The following DMD variants were observed in gnomAD, a reference collection of about 807,000 sequenced individuals.
The protein encoded by DMD is mutant dystrophin.
Under a neutral mutation model 330.1 loss-of-function variants are expected in DMD, and 63 were observed. The observed-to-expected ratio is 0.19, with a 90% CI of 0.16 to 0.24. The LOEUF (loss-of-function observed/expected upper bound fraction) is 0.24, where lower values mean the gene tolerates loss of function less well. Ranked by LOEUF, DMD falls within the 10% of genes least tolerant of loss-of-function variation. The probability of loss-of-function intolerance (pLI) is 1.00; values close to 1 mark genes in which losing one functional copy is unlikely to be tolerated. For missense variants in DMD, 3,344 were observed against 2,684.1 expected, an observed-to-expected ratio of 1.25 and a Z score of -5.43; for synonymous variants, 1,223 against 959.8, an observed-to-expected ratio of 1.27 and a Z score of -5.07.
At chrX:32,863,703 G>A (rs867856455) in intron 2 of DMD, among the ~76,000 whole-genome samples, 20 of 110,244 alleles carry the variant, frequency 1.8e-4, no homozygotes, top group South Asian at 3.8e-4. Context: ...GAAACATTAT[G>A]GACAAAGGGC....
intron 1 of DMD, among the ~76,000 whole-genome samples, chrX:33,146,124 A>G (rs1050662641): frequency 2.7e-5 from 3 of 110,206 alleles, no homozygotes; most frequent in Non-Finnish European, 5.7e-5. Flanking sequence ...TTGATCTCCT[A>G]ACCTCGTGAT....
chrX:33,269,426 T>C (rs778802857), intron 1 of DMD, among the ~76,000 whole-genome samples: 1 of 110,717 alleles, frequency 9.0e-6, no homozygotes, highest in Admixed American at 9.6e-5. Context: ...ACAGACACTG[T>C]GGACTACTAG....
intron 13 of DMD, among the ~76,000 whole-genome samples, chrX:32,574,919 CAG>C (rs1294494944): frequency 9.9e-6 from 1 of 101,300 alleles, no homozygotes; most frequent in Non-Finnish European, 2.0e-5. Context: ...TTTTTGTAGA[CAG>C]AGTTTTGCTC....
chrX:31,321,777 G>A (rs752735629), intron 62 of DMD, among the ~76,000 whole-genome samples: 1 of 110,161 alleles, frequency 9.1e-6, no homozygotes, highest in Admixed American at 9.7e-5. Flanking sequence ...ACATGAAGGA[G>A]CATTGGACAA....
intron 2 of DMD, among the ~76,000 whole-genome samples, chrX:33,003,946 A>AAGAAT (rs2093342930): frequency 8.9e-6 from 1 of 112,344 alleles, no homozygotes; most frequent in Non-Finnish European, 1.9e-5. Context: ...CTTTATTCTT[A>AAGAAT]AAAGAGAGAA....
intron 9 of DMD, among the ~76,000 whole-genome samples, chrX:32,672,450 C>T (rs2061690833): frequency 9.0e-6 from 1 of 111,217 alleles, no homozygotes; most frequent in South Asian, 3.7e-4. Context: ...AAACACTGAA[C>T]TCTTTCAAAT....
At chrX:33,304,311 G>A (rs1803299923) in intron 1 of DMD, among the ~76,000 whole-genome samples, 1 of 110,879 alleles carries the variant, frequency 9.0e-6, no homozygotes, top group African/African-American at 3.3e-5. Flanking sequence ...AACAAGCAAT[G>A]GGGAAAGGAT....
chrX:32,936,148 G>GA (rs1282728112), intron 2 of DMD, among the ~76,000 whole-genome samples: 1 of 104,986 alleles, frequency 9.5e-6, no homozygotes, highest in Non-Finnish European at 1.9e-5. Context: ...TTTTGCTCTT[G>GA]TTGCCCAGGC....
chrX:31,331,177 A>C (rs1194101052), intron 61 of DMD, among the ~76,000 whole-genome samples: 1 of 111,772 alleles, frequency 8.9e-6, no homozygotes. Flanking sequence ...TAAATATTAT[A>C]TGAGCTGTCA....
chrX:31,152,144 A>C (rs1395658003), intron 74 of DMD, among the ~76,000 whole-genome samples: 1 of 106,395 alleles, frequency 9.4e-6, no homozygotes, highest in East Asian at 2.9e-4. Context: ...GTTTCTTGTT[A>C]TTTTAGCGAG....
At position 31,730,100 on chromosome X, in the gene DMD, TATA is replaced by T. The variant is rs745694105; in HGVS notation, c.7543-355_7543-353del. On this transcript the variant is annotated intron_variant, in intron 51 of 78. Transcript: ENST00000357033. ...TAAAAGATAGATAACTATTTATACTTATAATATCATTCTGTGTGACGTCAAAAT... is the reference window on the plus strand; with the variant it reads ...TAAAAGATAGATAACTATTTATACTTATATCATTCTGTGTGACGTCAAAAT... Among the ~76,000 whole-genome samples, 296 of 112,110 alleles carry T rather than the reference TATA, an allele frequency of 2.6e-3. 1 individual carries two copies. The highest frequency in any genetic ancestry group is 9.2e-3 in the African/African-American group (285 of 30,914).
chrX:33,277,724 T>G (rs1439365187), intron 1 of DMD, among the ~76,000 whole-genome samples: 1 of 111,591 alleles, frequency 9.0e-6, no homozygotes. Context: ...GCTATATCTA[T>G]GGATCCAGCC....
chrX:33,071,423 A>T (rs76060510), intron 1 of DMD, among the ~76,000 whole-genome samples: 4 of 78,938 alleles, frequency 5.1e-5, no homozygotes, highest in African/African-American at 1.6e-4. Context: ...TGTCCTGATT[A>T]AAAAAAAAAA....
chrX:33,006,630 G>A (rs1017870162), intron 2 of DMD, among the ~76,000 whole-genome samples: 19 of 111,396 alleles, frequency 1.7e-4, no homozygotes, highest in African/African-American at 5.5e-4. Flanking sequence ...ACAAGTTAAC[G>A]TTCACTGGTT....
intron 2 of DMD, among the ~76,000 whole-genome samples, chrX:32,856,427 G>A (rs1036235340): frequency 1.8e-5 from 2 of 111,744 alleles, no homozygotes; most frequent in African/African-American, 6.5e-5. Flanking sequence ...ATTAACAAAT[G>A]AATGGATAAA....
intron 55 of DMD, among the ~76,000 whole-genome samples, chrX:31,567,586 T>A (rs1035281440): frequency 7.2e-5 from 8 of 111,808 alleles, no homozygotes; most frequent in African/African-American, 2.3e-4. Context: ...CACTCTTTTT[T>A]TAAACTTTGA....
intron 61 of DMD, among the ~76,000 whole-genome samples, chrX:31,330,260 T>A (rs780760739): frequency 9.4e-6 from 1 of 106,311 alleles, no homozygotes; most frequent in African/African-American, 3.4e-5. Flanking sequence ...CAAAAGGGAA[T>A]GTACCCTGGC....
At chrX:32,678,373 A>G (rs2062114042) in intron 9 of DMD, among the ~76,000 whole-genome samples, 1 of 112,058 alleles carries the variant, frequency 8.9e-6, no homozygotes, top group African/African-American at 3.2e-5. Context: ...AATGTCAACT[A>G]AAATATCCAA....
chrX:32,575,581 T>C (rs2149150468), intron 13 of DMD, among the ~76,000 whole-genome samples: 1 of 112,585 alleles, frequency 8.9e-6, no homozygotes, highest in East Asian at 2.8e-4. Flanking sequence ...GCAGTATATA[T>C]AGGTTTTTTC....
Sources: allele counts gnomAD v4.1 joint callset (sites outside exome capture counted in the v4.1 genomes callset), GRCh38; gene constraint gnomAD v4.1.1; transcripts MANE v1.5; gene names NCBI Gene and HGNC (gene_info 2026-07-23, HGNC 2026-07-21).